ADGRL3: variants seen among roughly 807,000 people sequenced by gnomAD.
ADGRL3 encodes the protein adhesion G protein-coupled receptor L3, also known as calcium-independent alpha-latrotoxin receptor 3.
Under a neutral mutation model 153.5 loss-of-function variants are expected in ADGRL3, and 62 were observed. The observed-to-expected ratio is 0.40, with a 90% CI of 0.33 to 0.50. The LOEUF is 0.50. ADGRL3 is among the 20% of genes least tolerant of loss of function. ADGRL3 has a pLI of 0.47. For synonymous variants in ADGRL3, 710 were observed against 672.5 expected, an observed-to-expected ratio of 1.06 and a Z score of -0.86; for missense variants, 1,641 against 1,859.4, an observed-to-expected ratio of 0.88 and a Z score of 2.16.
chr4:61,497,515 C>CTT (rs5858707), intron 3 of ADGRL3, among the ~76,000 whole-genome samples, 167 bp downstream of exon 3: 57 of 95,336 alleles, frequency 6.0e-4, no homozygotes, highest in African/African-American at 1.8e-3. Context: ...CTTTTCTTTT[C>CTT]TTTTTTTTTT....
chr4:61,594,658 A>G (rs1196342754), intron 5 of ADGRL3, among the ~76,000 whole-genome samples: 1 of 152,058 alleles, frequency 6.6e-6, no homozygotes, highest in Non-Finnish European at 1.5e-5. Flanking sequence ...AGGGTGTGTA[A>G]TGATGGAATC....
intron 2 of ADGRL3, among the ~76,000 whole-genome samples, chr4:61,412,088 T>G (rs376707189): frequency 0.013 from 698 of 54,452 alleles, 6 homozygotes; most frequent in African/African-American, 0.026. Context: ...AATTTTGTTG[T>G]GGTCTTTTTG....
chr4:61,608,206 C>A (rs775760980), intron 5 of ADGRL3, among the ~76,000 whole-genome samples: 30 of 152,196 alleles, frequency 2.0e-4, no homozygotes, highest in Non-Finnish European at 3.5e-4. Flanking sequence ...GCACACACAG[C>A]TTTGACTTTT....
intron 9 of ADGRL3, among the ~76,000 whole-genome samples, chr4:61,877,474 T>C (rs1192704600): frequency 6.6e-6 from 1 of 152,194 alleles, no homozygotes; most frequent in Non-Finnish European, 1.5e-5. Context: ...TTGAATGTGG[T>C]TGTGGTTATA....
At chr4:61,722,758 A>T (rs2096263696) in intron 6 of ADGRL3, among the ~76,000 whole-genome samples, 1 of 152,138 alleles carries the variant, frequency 6.6e-6, no homozygotes. Context: ...ATAAAATTGG[A>T]ATGCCAATTA....
intron 8 of ADGRL3, among the ~76,000 whole-genome samples, chr4:61,790,117 T>TC (rs1419615360): frequency 6.6e-6 from 1 of 152,258 alleles, no homozygotes; most frequent in Non-Finnish European, 1.5e-5. Context: ...TTTTAACTTT[T>TC]CCTTGGTCAC....
intron 1 of ADGRL3, among the ~76,000 whole-genome samples, chr4:61,367,466 C>G (rs966027902): frequency 1.3e-5 from 2 of 151,474 alleles, no homozygotes; most frequent in Non-Finnish European, 2.9e-5. Flanking sequence ...CAATTCCCAC[C>G]TATGAGTGAG....
intron 1 of ADGRL3, among the ~76,000 whole-genome samples, chr4:61,362,639 A>G (rs2096305829): frequency 6.6e-6 from 1 of 152,136 alleles, no homozygotes; most frequent in Admixed American, 6.6e-5. Context: ...AAATGTACTG[A>G]TTATTAACTG....
At chr4:61,367,232 T>A (rs182547630) in intron 1 of ADGRL3, among the ~76,000 whole-genome samples, 5 of 152,152 alleles carry the variant, frequency 3.3e-5, no homozygotes, top group African/African-American at 1.2e-4. Context: ...CTGTCGCTTT[T>A]TTTTTTATTT....
intron 4 of ADGRL3, among the ~76,000 whole-genome samples, chr4:61,537,778 G>A (rs1349522905): frequency 1.3e-5 from 2 of 152,042 alleles, no homozygotes; most frequent in Non-Finnish European, 1.5e-5. Flanking sequence ...AGATTGCTTC[G>A]ATTAAGATCA....
chr4:61,429,491 A>G (rs1405419446), intron 2 of ADGRL3, among the ~76,000 whole-genome samples: 1 of 152,188 alleles, frequency 6.6e-6, no homozygotes, highest in Non-Finnish European at 1.5e-5. Context: ...AAGAACTACA[A>G]TGATAATTGT....
chr4:61,936,781 TACACACACACACAC>T (rs71666904), intron 15 of ADGRL3, among the ~76,000 whole-genome samples: 6 of 138,824 alleles, frequency 4.3e-5, no homozygotes, highest in East Asian at 2.1e-4. Flanking sequence ...TACATATGCA[TACACACACACACAC>T]ACACACACAC....
chr4:61,342,876 G>A (rs571783443), intron 1 of ADGRL3, among the ~76,000 whole-genome samples: 40 of 152,180 alleles, frequency 2.6e-4, no homozygotes, highest in African/African-American at 8.9e-4. Flanking sequence ...AGACATATCC[G>A]AGACTGGGTA....
chr4:61,862,188 A>G (rs533457186), intron 9 of ADGRL3, among the ~76,000 whole-genome samples: 30 of 152,342 alleles, frequency 2.0e-4, no homozygotes, highest in African/African-American at 6.5e-4. Context: ...GGTTACCATG[A>G]CATGGGTCTT....
At chr4:61,585,361 A>G (rs2098942175) in intron 4 of ADGRL3, among the ~76,000 whole-genome samples, 1 of 151,582 alleles carries the variant, frequency 6.6e-6, no homozygotes, top group African/African-American at 2.4e-5. Flanking sequence ...TAAATTATAG[A>G]TATGTTTCAT....
chr4:61,321,761 G>A (rs917687831), intron 1 of ADGRL3, among the ~76,000 whole-genome samples: 1 of 152,078 alleles, frequency 6.6e-6, no homozygotes. Context: ...AATCTTATGG[G>A]ACCCAATGTC....
chr4:61,472,712 T>G, intron 2 of ADGRL3, among the ~76,000 whole-genome samples: 1 of 152,022 alleles, frequency 6.6e-6, no homozygotes, highest in East Asian at 1.9e-4. Context: ...GATACAGATT[T>G]GGCAGAAGTA....
intron 9 of ADGRL3, among the ~76,000 whole-genome samples, chr4:61,886,393 T>C (rs1447068096): frequency 6.6e-6 from 1 of 152,118 alleles, no homozygotes; most frequent in Non-Finnish European, 1.5e-5. Context: ...TAGTGGACTT[T>C]GGATGTAAAT....
intron 5 of ADGRL3, among the ~76,000 whole-genome samples, chr4:61,619,251 G>A (rs1354618509): frequency 1.3e-5 from 2 of 152,180 alleles, no homozygotes; most frequent in South Asian, 2.1e-4. Context: ...GTTTTATCAT[G>A]AGTATGTCAG....
Sources: allele counts gnomAD v4.1 joint callset (sites outside exome capture counted in the v4.1 genomes callset), GRCh38; gene constraint gnomAD v4.1.1; transcripts MANE v1.5; gene names NCBI Gene and HGNC (gene_info 2026-07-23, HGNC 2026-07-21).